Variants in HS2ST1 observed in about 807,000 individuals in gnomAD.
HS2ST1 encodes the protein heparan sulfate 2-O-sulfotransferase 1, also known as 2-O-sulfotransferase.
A neutral mutation model predicts 42.9 loss-of-function variants in HS2ST1; 18 were observed. That is an observed-to-expected ratio of 0.42 (90% CI 0.29 to 0.62). The LOEUF is 0.62. Among genes scored for constraint, HS2ST1 ranks in the 20% least tolerant of loss-of-function variants. HS2ST1 has a pLI of 0.21. For missense variants in HS2ST1, 334 were observed against 433.8 expected, an observed-to-expected ratio of 0.77 and a Z score of 2.04; for synonymous variants, 146 against 152.9, an observed-to-expected ratio of 0.95 and a Z score of 0.33.
chr1:86,931,816 T>C (rs1660551043), intron 1 of HS2ST1, among the ~76,000 whole-genome samples: 1 of 152,146 alleles, frequency 6.6e-6, no homozygotes, highest in Admixed American at 6.5e-5. Flanking sequence ...ATACCAGTAA[T>C]CTTTTTATTT....
chr1:87,032,270 T>C (rs1650258819), intron 1 of HS2ST1, among the ~76,000 whole-genome samples: 1 of 152,208 alleles, frequency 6.6e-6, no homozygotes, highest in Non-Finnish European at 1.5e-5. Flanking sequence ...TGGTATGATG[T>C]GAAACTTTTA....
intron 1 of HS2ST1, among the ~76,000 whole-genome samples, chr1:87,046,983 C>A (rs1285139905): frequency 6.6e-6 from 1 of 151,516 alleles, no homozygotes; most frequent in African/African-American, 2.4e-5. Flanking sequence ...GCTGGGATTA[C>A]AGGCACAAGC....
chr1:86,990,837 T>TATATATATATATATATATATA (rs56384402), intron 1 of HS2ST1, among the ~76,000 whole-genome samples: 2 of 17,562 alleles, frequency 1.1e-4, no homozygotes, highest in Non-Finnish European at 2.2e-4. Flanking sequence ...TATATATATA[T>TATATATATATATATATATATA]TTTTTTTTTT....
intron 1 of HS2ST1, among the ~76,000 whole-genome samples, chr1:87,033,166 A>G (rs1650282810): frequency 1.3e-5 from 2 of 152,218 alleles, no homozygotes; most frequent in Admixed American, 6.5e-5. Context: ...ATATATCCCT[A>G]CGTATTTATC....
At chr1:87,013,885 G>T (rs562387871) in intron 1 of HS2ST1, among the ~76,000 whole-genome samples, 2 of 152,198 alleles carry the variant, frequency 1.3e-5, no homozygotes, top group Non-Finnish European at 2.9e-5. Context: ...CCAGGGCAGG[G>T]GCACAATGCC....
At chr1:86,917,021 A>G (rs1271817095) in intron 1 of HS2ST1, among the ~76,000 whole-genome samples, 1 of 152,206 alleles carries the variant, frequency 6.6e-6, no homozygotes, top group Non-Finnish European at 1.5e-5. Context: ...TAAAATATAA[A>G]GTGCTTTCTT....
chr1:86,943,544 A>G (rs1647227200), intron 1 of HS2ST1, among the ~76,000 whole-genome samples: 1 of 151,982 alleles, frequency 6.6e-6, no homozygotes, highest in Admixed American at 6.6e-5. Flanking sequence ...CAACATGGCA[A>G]AACGTTGTCT....
intron 1 of HS2ST1, among the ~76,000 whole-genome samples, chr1:87,010,483 A>G (rs903482031): frequency 3.3e-5 from 5 of 152,212 alleles, no homozygotes; most frequent in Admixed American, 6.5e-5. Context: ...ATAAATTGGC[A>G]ATAATGTAGG....
At chr1:86,972,044 A>C (rs1328777598) in intron 1 of HS2ST1, among the ~76,000 whole-genome samples, 1 of 152,222 alleles carries the variant, frequency 6.6e-6, no homozygotes, top group African/African-American at 2.4e-5. Flanking sequence ...AGTTGGCATG[A>C]TTTAAATTTT....
intron 1 of HS2ST1, among the ~76,000 whole-genome samples, chr1:86,971,991 AC>A (rs905666265): frequency 1.3e-5 from 2 of 152,182 alleles, no homozygotes; most frequent in African/African-American, 4.8e-5. Context: ...TCACTATGTC[AC>A]CACATTCTAT....
chr1:87,097,154 A>G (rs543381455), intron 4 of HS2ST1, among the ~76,000 whole-genome samples: 1 of 152,364 alleles, frequency 6.6e-6, no homozygotes, highest in East Asian at 1.9e-4. Context: ...AGTGGTTTAT[A>G]TAGCACTATT....
chr1:87,088,603 G>T (rs1409537437), intron 3 of HS2ST1, among the ~76,000 whole-genome samples: 1 of 151,910 alleles, frequency 6.6e-6, no homozygotes, highest in Non-Finnish European at 1.5e-5. Context: ...TGGATTGTAT[G>T]GTAACTCAAT....
chr1:86,993,253 A>C, intron 1 of HS2ST1: 2 of 1,193,920 alleles, frequency 1.7e-6, no homozygotes, highest in Non-Finnish European at 1.2e-6. Flanking sequence ...AAATCTAAAA[A>C]CTGATAATAG....
intron 1 of HS2ST1, among the ~76,000 whole-genome samples, chr1:86,953,827 G>C (rs1251120601): frequency 6.6e-6 from 1 of 151,754 alleles, no homozygotes; most frequent in Non-Finnish European, 1.5e-5. Context: ...AGCACTTAGA[G>C]GCCATTATAA....
rs566911667 is a variant in HS2ST1, at chr1:86,975,451, G to A, written c.124+60291G>A. On this transcript the variant is annotated intron_variant, in intron 1 of 6. Transcript: ENST00000370550. The stretch of plus-strand genomic sequence containing the variant: ...AGCTCTTAGAAAGACCAAAGGCTGA[G>A]GGGAGGAAGCTGAAATGATGACATA... Among the ~76,000 whole-genome samples the A allele has an allele frequency of 5.9e-5, 9 of 152,168 alleles. No homozygotes were observed. The East Asian group carries it at 1.7e-3, about 29-fold the overall frequency.
intron 1 of HS2ST1, among the ~76,000 whole-genome samples, chr1:86,962,519 A>G (rs537368093): frequency 2.0e-5 from 3 of 152,346 alleles, no homozygotes; most frequent in East Asian, 3.9e-4. Flanking sequence ...TCATTGTAGA[A>G]TCGAGCCTCC....
At chr1:87,018,463 C>G (rs542040703) in intron 1 of HS2ST1, among the ~76,000 whole-genome samples, 3 of 152,300 alleles carry the variant, frequency 2.0e-5, no homozygotes, top group Admixed American at 6.5e-5. Flanking sequence ...CAGAGTAACT[C>G]TGCTGCTTTT....
At position 87,103,604 on chromosome 1, in the gene HS2ST1, G is replaced by A; in HGVS notation, c.844+15G>A. On this transcript the variant is annotated intron_variant, in intron 6 of 6. Transcript: ENST00000370550. The stretch of plus-strand genomic sequence containing the variant: ...CTATCGCACAGGTATATAAAGGAAG[G>A]GTTTCTTTTTAAAGCTTTCTTTGGT... 3.3e-6 allele frequency: 5 copies of A among 1,515,736 alleles called. No homozygotes were observed. The highest frequency in any genetic ancestry group is 3.5e-6 in the Non-Finnish European group (4 of 1,136,240). The allele number at this position is 1,515,736 out of a possible 1,614,324, so 93.9% of individuals were successfully genotyped here. A position where few individuals can be genotyped will look rare whatever the true frequency, so the allele number is the denominator to read the frequency against.
intron 1 of HS2ST1, among the ~76,000 whole-genome samples, chr1:86,977,366 G>A (rs926284084): frequency 6.6e-6 from 1 of 152,174 alleles, no homozygotes; most frequent in African/African-American, 2.4e-5. Flanking sequence ...GACTTTCAGA[G>A]GCACGCACAA....
Sources: allele counts gnomAD v4.1 joint callset (sites outside exome capture counted in the v4.1 genomes callset), GRCh38; gene constraint gnomAD v4.1.1; transcripts MANE v1.5; gene names NCBI Gene and HGNC (gene_info 2026-07-23, HGNC 2026-07-21).